The following NUDT3 variants were observed in gnomAD, a reference collection of about 807,000 sequenced individuals.
NUDT3 encodes the protein diphosphoinositol polyphosphate phosphohydrolase 1.
Under a neutral mutation model 23.6 loss-of-function variants are expected in NUDT3, and 9 were observed. That is an observed-to-expected ratio of 0.38 (90% confidence interval 0.23 to 0.66). The LOEUF (loss-of-function observed/expected upper bound fraction) is 0.66, where lower values mean the gene tolerates loss of function less well. NUDT3 is among the 30% of genes least tolerant of loss of function. The pLI is 0.52. For synonymous variants in NUDT3, 86 were observed against 82.6 expected, an observed-to-expected ratio of 1.04 and a Z score of -0.22; for missense variants, 172 against 218.5, an observed-to-expected ratio of 0.79 and a Z score of 1.34.
Position 34,392,476 on chromosome 6 carries a change from G to C in NUDT3, c.-114C>G. ...CGGCTCGGCCAAGGGAAGCAGGGAG[G>C]GGGAGCTTCTCCGCTACACGGCTCC... On this transcript the variant is annotated 5_prime_UTR_variant, in exon 1 of 5. Coordinates refer to ENST00000607016, the MANE Select transcript of NUDT3 (RefSeq NM_006703.4). The C allele has an allele frequency of 1.5e-6, 1 of 667,326 alleles. No individual in the cohort carries two copies. The allele number at this position is 667,326 out of a possible 1,614,324, so 41.3% of individuals were successfully genotyped here. A position where few individuals can be genotyped will look rare whatever the true frequency, so the allele number is the denominator to read the frequency against.
Position 34,376,452 on chromosome 6 carries a change from ATT to A in NUDT3, c.99+15810_99+15811del, listed in dbSNP as rs546087033. Among the ~76,000 whole-genome samples, 237 of 151,950 alleles carry A rather than the reference ATT, an allele frequency of 1.6e-3. 1 individual carries two copies. Among genetic ancestry groups the A allele is most frequent in the African/African-American group, 5.4e-3 (222 of 41,456 alleles). Reference sequence around the variant, plus strand: ...CACCACCATGCACAGCTAATTTTTTATTTTTGTAGAGATGGGGTCTCCCTATG... The same window carrying A: ...CACCACCATGCACAGCTAATTTTTTATTTGTAGAGATGGGGTCTCCCTATG... On this transcript the variant is annotated intron_variant, in intron 1 of 4. Transcript: ENST00000607016.
intron 1 of NUDT3, among the ~76,000 whole-genome samples, chr6:34,372,760 T>C (rs1388118064): frequency 2.0e-5 from 3 of 151,250 alleles, no homozygotes; most frequent in Non-Finnish European, 3.0e-5. Flanking sequence ...GCCCAGATCA[T>C]GCCATTGCAC....
intron 1 of NUDT3, among the ~76,000 whole-genome samples, chr6:34,359,451 A>T (rs1054567251): frequency 3.9e-5 from 6 of 152,188 alleles, no homozygotes; most frequent in African/African-American, 1.2e-4. Flanking sequence ...ACTTCCTGGC[A>T]ACCATCAATT....
chr6:34,342,289 CAAAAAAAAAAAAAAA>C (rs200954440), intron 1 of NUDT3, among the ~76,000 whole-genome samples: 2 of 66,518 alleles, frequency 3.0e-5, no homozygotes, highest in African/African-American at 4.5e-5. Flanking sequence ...TAGAAGACTT[CAAAAAAAAAAAAAAA>C]AAAAAAAAAA....
intron 2 of NUDT3, among the ~76,000 whole-genome samples, chr6:34,330,050 T>C (rs1204817300): frequency 6.6e-6 from 1 of 152,260 alleles, no homozygotes; most frequent in Admixed American, 6.5e-5. Context: ...AGTCTATCAT[T>C]GACGGACATT....
At chr6:34,365,273 T>C (rs372499855) in intron 1 of NUDT3, among the ~76,000 whole-genome samples, 4 of 149,844 alleles carry the variant, frequency 2.7e-5, no homozygotes, top group African/African-American at 4.9e-5. Flanking sequence ...CTACTAAAAA[T>C]ACAAAAATTA....
intron 2 of NUDT3, among the ~76,000 whole-genome samples, chr6:34,331,461 G>A (rs915190826): frequency 1.3e-5 from 2 of 152,058 alleles, no homozygotes; most frequent in Non-Finnish European, 2.9e-5. Context: ...TTGAAGGAGG[G>A]CAGCAAAGAT....
At chr6:34,302,563 C>T (rs969451640) in intron 2 of NUDT3, among the ~76,000 whole-genome samples, 3 of 152,048 alleles carry the variant, frequency 2.0e-5, no homozygotes, top group Non-Finnish European at 2.9e-5. Flanking sequence ...TGAAACCAGT[C>T]TCTACTAAAA....
At position 34,332,235 on chromosome 6, in the gene NUDT3, G is replaced by T. The variant is rs184875481; in HGVS notation, c.210+9627C>A. 6.6e-4 allele frequency among the ~76,000 whole-genome samples: 100 copies of T among 151,788 alleles called. 1 individual carries two copies. The highest frequency in any genetic ancestry group is 2.9e-5 in the Non-Finnish European group (2 of 67,986). On this transcript the variant is annotated intron_variant, in intron 2 of 4. Transcript: ENST00000607016. ...CAGTTGATTAACATATATTCTGTAT[G>T]TTGTGTGTATTATTTACTATACTCT... is the stretch of plus-strand genomic sequence containing the variant.
intron 2 of NUDT3, among the ~76,000 whole-genome samples, chr6:34,302,790 C>T (rs1287156665): frequency 6.6e-6 from 1 of 152,156 alleles, no homozygotes; most frequent in Non-Finnish European, 1.5e-5. Context: ...CATAAAATTA[C>T]AGTCACATAT....
Position 34,298,166 on chromosome 6 carries a change from A to C in NUDT3, c.211-2481T>G, listed in dbSNP as rs113025835. 8.5e-3 allele frequency among the ~76,000 whole-genome samples: 1,286 copies of C among 152,130 alleles called. 18 individuals are homozygous for C. The highest frequency in any genetic ancestry group is 0.027 in the African/African-American group (1,106 of 41,500). On this transcript the variant is annotated intron_variant, in intron 2 of 4. Transcript: ENST00000607016. ...TGCTTGAGCCCAAGAGTTCGAGACCAGCCTGGGCAATAAGGTGAAACCCCA... is the reference window on the plus strand; with the variant it reads ...TGCTTGAGCCCAAGAGTTCGAGACCCGCCTGGGCAATAAGGTGAAACCCCA...
intron 2 of NUDT3, among the ~76,000 whole-genome samples, chr6:34,322,620 A>G (rs899785284): frequency 1.5e-4 from 23 of 152,378 alleles, no homozygotes; most frequent in Admixed American, 3.3e-4. Context: ...CTAAAAAGAC[A>G]TACAAGCAAC....
chr6:34,360,887 A>G (rs114338994), intron 1 of NUDT3, among the ~76,000 whole-genome samples: 14,666 of 152,226 alleles, frequency 0.096, 813 homozygotes, highest in Non-Finnish European at 0.12. Context: ...AACCCAATTA[A>G]AAAATGAGCA....
intron 2 of NUDT3, among the ~76,000 whole-genome samples, chr6:34,318,155 T>C (rs1763889326): frequency 6.6e-6 from 1 of 152,158 alleles, no homozygotes; most frequent in African/African-American, 2.4e-5. Context: ...GCAATTCTAA[T>C]TTTAACTTTT....
Position 34,320,625 on chromosome 6 carries a change from G to A in NUDT3, c.210+21237C>T, listed in dbSNP as rs944053874. Among the ~76,000 whole-genome samples, 12 of 152,150 alleles carry A rather than the reference G, an allele frequency of 7.9e-5. No individual in the cohort carries two copies. In the East Asian group the frequency reaches 9.8e-4, roughly 12 times the overall value. ...CAAAGTGGGTGGATTTCTTGAGCCC[G>A]GAGTTCGAGACCAGCCCGGTCAACA... On this transcript the variant is annotated intron_variant, in intron 2 of 4. Transcript: ENST00000607016.
rs172280 is a variant in NUDT3, at chr6:34,362,804, C to T, written c.100-20832G>A. ...AACCTAATTAAATTCTCACAATAAC[C>T]CTAGGAATCAGATGGTATTAGTGGA... On this transcript the variant is annotated intron_variant, in intron 1 of 4. Coordinates refer to ENST00000607016, the MANE Select transcript of NUDT3 (RefSeq NM_006703.4). Among the ~76,000 whole-genome samples the T allele has an allele frequency of 2.2e-3, 335 of 152,210 alleles. 1 individual carries two copies. Among genetic ancestry groups the T allele is most frequent in the African/African-American group, 7.6e-3 (317 of 41,528 alleles).
At chr6:34,337,012 C>T (rs918484006) in intron 2 of NUDT3, among the ~76,000 whole-genome samples, 20 of 152,284 alleles carry the variant, frequency 1.3e-4, no homozygotes, top group African/African-American at 3.8e-4. Flanking sequence ...TTCAAGTCTC[C>T]GATTTCAAGT....
chr6:34,358,286 CA>C (rs1764594714), intron 1 of NUDT3, among the ~76,000 whole-genome samples: 1 of 151,978 alleles, frequency 6.6e-6, no homozygotes, highest in African/African-American at 2.4e-5. Flanking sequence ...CACACACACA[CA>C]CACACCCCTT....
intron 2 of NUDT3, among the ~76,000 whole-genome samples, chr6:34,330,264 C>G (rs972938736): frequency 6.6e-6 from 1 of 152,174 alleles, no homozygotes; most frequent in African/African-American, 2.4e-5. Context: ...ACAGTCCCAC[C>G]AACAGTGTAA....
Sources: gnomAD v4.1 joint callset for allele counts (sites outside exome capture counted in the v4.1 genomes callset) on GRCh38, gnomAD v4.1.1 for gene constraint, MANE v1.5 for transcripts, NCBI Gene and HGNC (gene_info 2026-07-23, HGNC 2026-07-21) for gene names.